Variants in CTBP2 observed in about 807,000 individuals in gnomAD.
CTBP2 encodes C-terminal-binding protein 2.
A neutral mutation model predicts 80.3 loss-of-function variants in CTBP2; 30 were observed. That is an observed-to-expected ratio of 0.37 (90% CI 0.28 to 0.51). CTBP2 has a LOEUF of 0.51. Ranked by LOEUF, CTBP2 falls within the 20% of genes least tolerant of loss-of-function variation. The probability of loss-of-function intolerance (pLI) is 0.93; values close to 1 mark genes in which losing one functional copy is unlikely to be tolerated. For synonymous variants in CTBP2, 594 were observed against 587.4 expected (o/e 1.01, Z -0.16); for missense variants, 1,212 against 1,375.3 (o/e 0.88, Z 1.88).
intron 2 of CTBP2, among the ~76,000 whole-genome samples, chr10:125,107,394 C>T (rs979773504): frequency 1.3e-5 from 2 of 152,142 alleles, no homozygotes; most frequent in Admixed American, 6.5e-5. Flanking sequence ...GCCAAGGGCC[C>T]GAAGGACTCT....
chr10:125,027,431 T>C lies in CTBP2; in HGVS notation c.329A>G (p.Tyr110Cys). 6.2e-7 allele frequency: 1 copy of C among 1,614,110 alleles called. No individual in the cohort carries two copies. The highest frequency in any genetic ancestry group is 8.5e-7 in the Non-Finnish European group (1 of 1,180,016). ...AGCAGCTCCAGACGGATCACTGTAG[T>C]ACTCCCGTGGCAGCAGGGGGCTGCG... The change falls in exon 1 of 9, where the codon TAC (tyrosine) becomes TGC (cysteine). Residue 110 changes from tyrosine (Y) to cysteine (C), a missense_variant. By Grantham distance (194) the Tyr-to-Cys change is radical (BLOSUM62 -2). Coordinates refer to ENST00000309035, the MANE Select transcript of CTBP2 (RefSeq NM_022802.3).
At chr10:125,140,831 T>C (rs567295576) in intron 1 of CTBP2, among the ~76,000 whole-genome samples, 61 of 145,396 alleles carry the variant, frequency 4.2e-4, no homozygotes, top group African/African-American at 1.5e-3. Flanking sequence ...AAAAAAACAA[T>C]AAAAAGAATA....
chr10:125,045,600 G>C (rs1401283204), intron 2 of CTBP2, among the ~76,000 whole-genome samples: 1 of 152,094 alleles, frequency 6.6e-6, no homozygotes, highest in Non-Finnish European at 1.5e-5. Context: ...TCGAGTTCAA[G>C]TGATTCTCCT....
At chr10:125,086,636 A>G (rs1848023142) in intron 2 of CTBP2, among the ~76,000 whole-genome samples, 1 of 146,194 alleles carries the variant, frequency 6.8e-6, no homozygotes, top group Admixed American at 6.8e-5. Context: ...AAAAAAAAAA[A>G]GGAAGATCTC....
At chr10:125,091,273 C>G (rs78485434) in intron 2 of CTBP2, among the ~76,000 whole-genome samples, 2 of 152,164 alleles carry the variant, frequency 1.3e-5, no homozygotes, top group Non-Finnish European at 2.9e-5. Context: ...GGACTCCTTT[C>G]GGTAAGCCAA....
At chr10:125,055,846 G>A (rs976063510) in intron 2 of CTBP2, among the ~76,000 whole-genome samples, 11 of 152,184 alleles carry the variant, frequency 7.2e-5, no homozygotes, top group East Asian at 3.8e-4. Flanking sequence ...AGGCTGGAAC[G>A]CTTTTTAGCT....
At chr10:125,045,454 G>A (rs1458680419) in intron 2 of CTBP2, among the ~76,000 whole-genome samples, 4 of 152,076 alleles carry the variant, frequency 2.6e-5, no homozygotes, top group Non-Finnish European at 4.4e-5. Context: ...ATAAAGAGGC[G>A]TACAGGAAAA....
chr10:125,007,260 A>G (rs1474867262), intron 1 of CTBP2, among the ~76,000 whole-genome samples: 1 of 152,200 alleles, frequency 6.6e-6, no homozygotes, highest in Non-Finnish European at 1.5e-5. Flanking sequence ...ATCAATTACT[A>G]TCTGGTTTCA....
intron 2 of CTBP2, among the ~76,000 whole-genome samples, chr10:125,040,607 C>G (rs1270070650): frequency 1.0e-4 from 15 of 149,412 alleles, no homozygotes; most frequent in African/African-American, 3.7e-4. Flanking sequence ...CATACACACA[C>G]ACACACACAC....
At chr10:125,139,582 T>C (rs907558609) in intron 1 of CTBP2, among the ~76,000 whole-genome samples, 2 of 152,106 alleles carry the variant, frequency 1.3e-5, no homozygotes, top group South Asian at 4.1e-4. Context: ...CTCTGGGAGC[T>C]TCCAGTCTAG....
chr10:125,067,686 C>T (rs1457043656), intron 2 of CTBP2, among the ~76,000 whole-genome samples: 1 of 152,146 alleles, frequency 6.6e-6, no homozygotes, highest in African/African-American at 2.4e-5. Flanking sequence ...GCACGCATAA[C>T]CCTCATTCTC....
At chr10:125,060,906 A>G (rs1032261712) in intron 2 of CTBP2, among the ~76,000 whole-genome samples, 1 of 152,128 alleles carries the variant, frequency 6.6e-6, no homozygotes, top group Non-Finnish European at 1.5e-5. Context: ...CAAAGGGAGG[A>G]AAGAGCAACA....
chr10:125,050,885 T>A (rs925333331), intron 2 of CTBP2, among the ~76,000 whole-genome samples: 1 of 152,212 alleles, frequency 6.6e-6, no homozygotes, highest in African/African-American at 2.4e-5. Context: ...AACCTTGTCA[T>A]AATGAACTGG....
At chr10:125,082,061 C>A (rs1193430130) in intron 2 of CTBP2, among the ~76,000 whole-genome samples, 1 of 152,246 alleles carries the variant, frequency 6.6e-6, no homozygotes, top group African/African-American at 2.4e-5. Context: ...AGTCCAGAAA[C>A]CAGCCAGAAC....
chr10:125,033,738 G>C (rs567066552), intron 3 of CTBP2, among the ~76,000 whole-genome samples: 231 of 152,146 alleles, frequency 1.5e-3, no homozygotes, highest in Middle Eastern at 0.01. Context: ...CACTGACTTG[G>C]CCTGAAACTA....
At chr10:125,135,057 T>G (rs1856784712) in intron 1 of CTBP2, among the ~76,000 whole-genome samples, 1 of 152,184 alleles carries the variant, frequency 6.6e-6, no homozygotes, top group Non-Finnish European at 1.5e-5. Context: ...CATGGATGCC[T>G]TGGTGCGCCC....
chr10:125,051,857 G>A (rs951664374), intron 2 of CTBP2, among the ~76,000 whole-genome samples: 7 of 152,048 alleles, frequency 4.6e-5, no homozygotes, highest in Admixed American at 6.6e-5. Context: ...AATCCAAGAC[G>A]AATATTCTCA....
chr10:125,129,036 T>C (rs10901864), intron 1 of CTBP2, among the ~76,000 whole-genome samples: 2 of 152,152 alleles, frequency 1.3e-5, no homozygotes, highest in Admixed American at 1.3e-4. Flanking sequence ...GTGTGTGGCA[T>C]GAAAAAAGCT....
At chr10:125,139,939 C>T (rs73379147) in intron 1 of CTBP2, among the ~76,000 whole-genome samples, 5,509 of 152,134 alleles carry the variant, frequency 0.036, 301 homozygotes, top group African/African-American at 0.12. Context: ...GAAAGCAGAC[C>T]GGTGGCCACA....
Sources: gnomAD v4.1 joint callset for allele counts (sites outside exome capture counted in the v4.1 genomes callset) on GRCh38, gnomAD v4.1.1 for gene constraint, MANE v1.5 for transcripts, NCBI Gene and HGNC (gene_info 2026-07-23, HGNC 2026-07-21) for gene names.